The following UBXN7 variants were observed in gnomAD, a reference collection of about 807,000 sequenced individuals.
The protein encoded by UBXN7 is UBX domain-containing protein 7.
In UBXN7, 9 loss-of-function variants were observed where a neutral mutation model predicts 58.0. The ratio of observed to expected loss-of-function variants is 0.16; its 90% CI spans 0.09 to 0.27. The LOEUF is 0.27. UBXN7 is among the 10% of genes least tolerant of loss of function. The pLI, the probability that UBXN7 is intolerant of heterozygous loss-of-function variation, is 1.00. For synonymous variants in UBXN7, 208 were observed against 205.0 expected (o/e 1.01, Z -0.12); for missense variants, 328 against 599.6 (o/e 0.55, Z 4.73).
At chr3:196,411,491 A>G (rs1024290466) in intron 1 of UBXN7, among the ~76,000 whole-genome samples, 2 of 152,266 alleles carry the variant, frequency 1.3e-5, no homozygotes, top group African/African-American at 4.8e-5. Flanking sequence ...ATAAATTTAA[A>G]GAGAAGTGAA....
intron 5 of UBXN7, among the ~76,000 whole-genome samples, chr3:196,386,871 C>T (rs1024948407): frequency 6.6e-6 from 1 of 152,110 alleles, no homozygotes; most frequent in Non-Finnish European, 1.5e-5. Flanking sequence ...CTTTAAAGTT[C>T]GTATGGAACC....
Position 196,354,492 on chromosome 3 carries a change from T to A in UBXN7, c.*2193A>T, listed in dbSNP as rs1423666385. The A allele has an allele frequency of 6.6e-6, 1 of 152,246 alleles. No individual in the cohort carries two copies. The highest frequency in any genetic ancestry group is 1.5e-5 in the Non-Finnish European group (1 of 68,040). The allele number at this position is 152,246 out of a possible 1,614,324, so 9.4% of individuals were successfully genotyped here. ...ATTTGGGCTTCAGCTATGACTTTGC[T>A]GGAGTACAGATGGGTGCCATCAGAG... On this transcript the variant is annotated 3_prime_UTR_variant, in exon 11 of 11. Transcript: ENST00000296328.
chr3:196,401,631 G>GA (rs1729986424), intron 3 of UBXN7, among the ~76,000 whole-genome samples: 1 of 149,730 alleles, frequency 6.7e-6, no homozygotes, highest in Non-Finnish European at 1.5e-5. Context: ...GGCGAGGATT[G>GA]AAAAAAATAC....
intron 1 of UBXN7, chr3:196,423,420 A>G: frequency 3.7e-6 from 1 of 271,736 alleles, no homozygotes; most frequent in Non-Finnish European, 7.7e-6. Flanking sequence ...TGGCCCCCTC[A>G]TCCGCTCCAG....
chr3:196,420,794 T>C (rs1730658143), intron 1 of UBXN7, among the ~76,000 whole-genome samples: 1 of 152,204 alleles, frequency 6.6e-6, no homozygotes, highest in African/African-American at 2.4e-5. Flanking sequence ...GCCATTTTCA[T>C]GCTGCTATCT....
chr3:196,411,586 C>T (rs1191539036), intron 1 of UBXN7, among the ~76,000 whole-genome samples: 1 of 152,186 alleles, frequency 6.6e-6, no homozygotes, highest in Non-Finnish European at 1.5e-5. Flanking sequence ...CCAAGGCAGG[C>T]AGATCACCTG....
rs1728176682 is a variant in UBXN7 at position 196,350,071 on chromosome 3, A to T, written c.*6614T>A. The T allele has an allele frequency of 1.3e-5, 2 of 152,258 alleles. No individual in the cohort carries two copies. Among genetic ancestry groups the T allele is most frequent in the Non-Finnish European group, 1.5e-5 (1 of 68,042 alleles). 9.4% of individuals were successfully genotyped at this position (152,258 alleles called of 1,614,324 possible). A position where few individuals can be genotyped will look rare whatever the true frequency, so the allele number is the denominator to read the frequency against. On this transcript the variant is annotated 3_prime_UTR_variant, in exon 11 of 11. Coordinates refer to ENST00000296328, the MANE Select transcript of UBXN7 (RefSeq NM_015562.2). Reference sequence around the variant, plus strand: ...TCTCATATTTATAGATTAATCTGTGATTGCTCTTGGGAAAAATACTATCAT... The same window carrying T: ...TCTCATATTTATAGATTAATCTGTGTTTGCTCTTGGGAAAAATACTATCAT...
Position 196,384,009 on chromosome 3 carries a change from G to A in UBXN7, c.468+7804C>T, listed in dbSNP as rs565746672. 7.9e-5 allele frequency among the ~76,000 whole-genome samples: 12 copies of A among 152,288 alleles called. No individual in the cohort carries two copies. In the East Asian group the frequency reaches 1.9e-3, roughly 24 times the overall value. Reference sequence around the variant, plus strand: ...CCCTTCAAAAAATCAATGAATCCAAGAGCTGGTTTTTTGAAAAGATCAACA... The same window carrying A: ...CCCTTCAAAAAATCAATGAATCCAAAAGCTGGTTTTTTGAAAAGATCAACA... On this transcript the variant is annotated intron_variant, in intron 5 of 10. Coordinates refer to ENST00000296328, the MANE Select transcript of UBXN7 (RefSeq NM_015562.2).
intron 3 of UBXN7, among the ~76,000 whole-genome samples, chr3:196,401,831 A>AGAAGAGAAGAGAAGAGAAGC (rs1404207015): frequency 3.8e-4 from 56 of 148,896 alleles, no homozygotes; most frequent in African/African-American, 1.4e-3. Context: ...AAGAGAGAAG[A>AGAAGAGAAGAGAAGAGAAGC]GAAGAGAAGA....
At chr3:196,396,216 G>GAGCTCC (rs1729765561) in intron 3 of UBXN7, among the ~76,000 whole-genome samples, 1 of 150,464 alleles carries the variant, frequency 6.6e-6, no homozygotes, top group South Asian at 2.1e-4. Flanking sequence ...TATTTCAAAT[G>GAGCTCC]TACATGGCCT....
chr3:196,432,222 G>C, intron 1 of UBXN7, 105 bp downstream of exon 1: 1 of 1,482,982 alleles, frequency 6.7e-7, no homozygotes, highest in South Asian at 1.2e-5. Flanking sequence ...GGCAGCTGTG[G>C]GTAAAGCCCG....
At chr3:196,391,720 C>G in intron 5 of UBXN7, 93 bp downstream of exon 5, 2 of 913,862 alleles carry the variant, frequency 2.2e-6, no homozygotes, top group Non-Finnish European at 3.3e-6. Flanking sequence ...GACGACAGAG[C>G]GAGACCTGCT....
intron 8 of UBXN7, 86 bp from the exon 9 acceptor site, chr3:196,362,773 C>T: frequency 2.7e-6 from 4 of 1,475,242 alleles, no homozygotes; most frequent in Admixed American, 2.2e-5. Context: ...TAATAGCTTG[C>T]CATTCATTAT....
intron 1 of UBXN7, among the ~76,000 whole-genome samples, chr3:196,422,450 A>G (rs1261356578): frequency 6.6e-6 from 1 of 151,982 alleles, no homozygotes; most frequent in Non-Finnish European, 1.5e-5. Context: ...GCTGCACTCC[A>G]CCAGGGGCAA....
chr3:196,419,859 A>G (rs1334614302), intron 1 of UBXN7, among the ~76,000 whole-genome samples: 2 of 152,240 alleles, frequency 1.3e-5, no homozygotes, highest in African/African-American at 2.4e-5. Context: ...GTAATTTGTC[A>G]GCAGTCAAAG....
At chr3:196,420,465 A>C (rs1216174914) in intron 1 of UBXN7, among the ~76,000 whole-genome samples, 1 of 151,108 alleles carries the variant, frequency 6.6e-6, no homozygotes, top group African/African-American at 2.4e-5. Context: ...CGGGAGGTGG[A>C]GGTTGCAGTG....
intron 5 of UBXN7, among the ~76,000 whole-genome samples, chr3:196,385,216 C>A (rs1729338747): frequency 6.6e-6 from 1 of 152,236 alleles, no homozygotes; most frequent in African/African-American, 2.4e-5. Context: ...GTTGGCCGGG[C>A]TGGTCTCCAG....
intron 5 of UBXN7, among the ~76,000 whole-genome samples, chr3:196,380,655 G>A (rs1176099749): frequency 3.3e-5 from 5 of 152,248 alleles, no homozygotes; most frequent in African/African-American, 9.6e-5. Context: ...CACGGAGGGC[G>A]AGCTGAAGCA....
chr3:196,399,752 AT>A (rs35548752), intron 3 of UBXN7, among the ~76,000 whole-genome samples: 107,116 of 151,806 alleles, frequency 0.71, 38,058 homozygotes, highest in East Asian at 0.91. Context: ...TGCCTTTTAG[AT>A]TTTTTTTGTA....
Sources: allele counts gnomAD v4.1 joint callset (sites outside exome capture counted in the v4.1 genomes callset), GRCh38; gene constraint gnomAD v4.1.1; transcripts MANE v1.5; gene names NCBI Gene and HGNC (gene_info 2026-07-23, HGNC 2026-07-21).